Variants in CNOT3 observed in about 807,000 individuals in gnomAD.
CNOT3 encodes the protein CCR4-associated factor 3.
A neutral mutation model predicts 89.4 loss-of-function variants in CNOT3; 2 were observed. The ratio of observed to expected loss-of-function variants is 0.02; its 90% CI spans 0.01 to 0.07. The LOEUF (loss-of-function observed/expected upper bound fraction) is 0.07. Ranked by LOEUF, CNOT3 falls within the 10% of genes least tolerant of loss-of-function variation. The probability of loss-of-function intolerance (pLI) is 1.00; values close to 1 mark genes in which losing one functional copy is unlikely to be tolerated. For missense variants in CNOT3, 664 were observed against 1,010.2 expected (o/e 0.66, Z 4.65); for synonymous variants, 486 against 402.0 (o/e 1.21, Z -2.50).
chr19:54,149,872 T>C (rs1364858426), intron 13 of CNOT3, 114 bp downstream of exon 13: 8 of 1,074,746 alleles, frequency 7.4e-6, no homozygotes, highest in Admixed American at 5.3e-5. Context: ...CTCTCTGGCT[T>C]TCTGTCCCCT....
Position 54,155,437 on chromosome 19 carries a change from C to T in CNOT3, c.*30C>T, listed in dbSNP as rs764645167. ...GGCCCCTCCCTCTACCCACCCCCTT[C>T]CCCCGCATGCTGATCCCCCTGCCCA... On this transcript the variant is annotated 3_prime_UTR_variant, in exon 18 of 18. Coordinates refer to ENST00000221232, the MANE Select transcript of CNOT3 (RefSeq NM_014516.4). 5.0e-6 allele frequency: 7 copies of T among 1,409,814 alleles called. No individual in the cohort carries two copies. Among genetic ancestry groups the T allele is most frequent in the East Asian group, 2.5e-5 (1 of 40,488 alleles). The allele number at this position is 1,409,814 out of a possible 1,614,324, so 87.3% of individuals were successfully genotyped here.
At chr19:54,139,250 A>G (rs587673116) in intron 1 of CNOT3, among the ~76,000 whole-genome samples, 27 of 152,096 alleles carry the variant, frequency 1.8e-4, no homozygotes, top group African/African-American at 4.1e-4. Flanking sequence ...GGCTTCTTCC[A>G]TCTTCACACC....
intron 17 of CNOT3, chr19:54,154,950 T>G: frequency 4.0e-6 from 1 of 250,808 alleles, no homozygotes; most frequent in East Asian, 8.6e-5. Flanking sequence ...CTCGAGGTCT[T>G]TGTGAAGATT....
In CNOT3 at chr19:54,148,204, A is replaced by G. The variant is rs1468678130; in HGVS notation, c.951A>G (p.Pro317=). 1.9e-6 allele frequency: 3 copies of G among 1,585,440 alleles called. No individual in the cohort carries two copies. Among genetic ancestry groups the G allele is most frequent in the Non-Finnish European group, 2.6e-6 (3 of 1,166,216 alleles). Residue 317 remains proline, a synonymous_variant, in exon 11 of 18, where the codon CCA becomes CCG. Transcript: ENST00000221232. The surrounding 1 kb of genome is among the most constrained non-coding windows in gnomAD (Gnocchi z 6.3). ...PVHSNQHPQS[P]AVPPTYPSGP... ...ACAGCAACCAGCACCCTCAGTCCCC[A>G]GCTGTGCCGCCCACCTACCCCTCCG...
intron 16 of CNOT3, chr19:54,153,314 C>T (rs746796217): frequency 1.8e-5 from 14 of 761,738 alleles, no homozygotes; most frequent in African/African-American, 1.0e-4. Flanking sequence ...CAGTCTAGGC[C>T]GACCCCACTC....
At position 54,148,355 on chromosome 19, in the gene CNOT3, C is replaced by G; in HGVS notation, c.1102C>G (p.Pro368Ala). The G allele has an allele frequency of 6.3e-7, 1 of 1,583,228 alleles. No homozygotes were observed. Among genetic ancestry groups the G allele is most frequent in the Non-Finnish European group, 8.6e-7 (1 of 1,163,102 alleles). The stretch of plus-strand genomic sequence containing the variant: ...AGCTCCCAGCCACAACTCGGGCACC[C>G]CTGCTCCCTATGCCCAGGCTGTGGC... ...SPAPSHNSGT[P>A]APYAQAVAPP... The change falls in exon 11 of 18, where the codon CCT becomes GCT. Residue 368 changes from proline (P) to alanine (A), a missense_variant. Physicochemically the swap from Pro to Ala is conservative, Grantham distance 27. Around this residue, in one of 8 missense-constraint regions of CNOT3, gnomAD observed 545 missense variants for 566.2 expected, o/e 0.96. Transcript: ENST00000221232. The surrounding 1 kb of genome is among the most constrained non-coding windows in gnomAD (Gnocchi z 6.3).
At position 54,155,594 on chromosome 19, in the gene CNOT3, C is replaced by T; in HGVS notation, c.*187C>T. ...CCTGGGGGCCCGGGGGCGAGGGCTGCCCCCTCCTCCCCTCCCCAGTGAGGG... is the reference window on the plus strand; with the variant it reads ...CCTGGGGGCCCGGGGGCGAGGGCTGTCCCCTCCTCCCCTCCCCAGTGAGGG... On this transcript the variant is annotated 3_prime_UTR_variant, in exon 18 of 18. Coordinates refer to ENST00000221232, the MANE Select transcript of CNOT3 (RefSeq NM_014516.4). The T allele has an allele frequency of 2.8e-6, 3 of 1,086,364 alleles. No homozygotes were observed. Among genetic ancestry groups the T allele is most frequent in the East Asian group, 5.2e-5 (2 of 38,446 alleles). The allele number at this position is 1,086,364 out of a possible 1,614,324, so 67.3% of individuals were successfully genotyped here.
Position 54,146,601 on chromosome 19 carries a change from GA to G in CNOT3, c.842del (p.Asn281ThrfsTer54). ...TTCTATTCTGCCTCCCCTACCTCAG[GA>G]AAACTCTGAAGATGATAAGAAGAGG... ...IPPSPANCTT[E>X]NSEDDKKRGR... On this transcript the variant is annotated frameshift_variant and splice_region_variant, in exon 10 of 18. Coordinates refer to ENST00000221232, the MANE Select transcript of CNOT3 (RefSeq NM_014516.4). LOFTEE classifies it high-confidence loss of function. 1 of 1,498,570 alleles carries G rather than the reference GA, an allele frequency of 6.7e-7. No homozygotes were observed. Among genetic ancestry groups the G allele is most frequent in the Non-Finnish European group, 9.3e-7 (1 of 1,074,796 alleles). 92.8% of individuals were successfully genotyped at this position (1,498,570 alleles called of 1,614,324 possible).
Position 54,153,784 on chromosome 19 carries a change from A to G in CNOT3, c.2107A>G (p.Met703Val). The change falls in exon 17 of 18, where the codon ATG (methionine) becomes GTG (valine). Residue 703 changes from methionine to valine, a missense_variant. Transcript: ENST00000221232. ...KQSWRFHTKYMMWFQRHEEPK... is the reference protein window; with the variant it reads ...KQSWRFHTKYVMWFQRHEEPK... Reference sequence around the variant, plus strand: ...GTCATGGCGATTCCACACCAAGTACATGATGTGGTTCCAGAGGCACGAGGA... The same window carrying G: ...GTCATGGCGATTCCACACCAAGTACGTGATGTGGTTCCAGAGGCACGAGGA... 1.2e-6 allele frequency: 2 copies of G among 1,613,922 alleles called. No individual in the cohort carries two copies. The highest frequency in any genetic ancestry group is 1.7e-6 in the Non-Finnish European group (2 of 1,179,818).
intron 1 of CNOT3, among the ~76,000 whole-genome samples, chr19:54,140,190 T>C (rs2074390677): frequency 6.6e-6 from 1 of 152,136 alleles, no homozygotes; most frequent in African/African-American, 2.4e-5. Context: ...TCTTCTTTAC[T>C]GGTTTTGGCT....
chr19:54,153,207 T>C lies in CNOT3; in HGVS notation c.2037+208T>C, dbSNP rs1468146759. 1.3e-5 allele frequency: 10 copies of C among 764,676 alleles called. No individual in the cohort carries two copies. The African/African-American group carries it at 1.5e-4, about 12-fold the overall frequency. The allele number at this position is 764,676 out of a possible 1,614,324, so 47.4% of individuals were successfully genotyped here. A position where few individuals can be genotyped will look rare whatever the true frequency, so the allele number is the denominator to read the frequency against. On this transcript the variant is annotated intron_variant, in intron 16 of 17. Transcript: ENST00000221232. ...CCAGAGATGTTAGAACTGCTTGGGT[T>C]GACAGCGAGGCTGGTCCACTGAGGC...
chr19:54,143,246 C>T (rs1226364173), intron 3 of CNOT3, 60 bp downstream of exon 3: 4 of 1,480,062 alleles, frequency 2.7e-6, no homozygotes, highest in South Asian at 1.1e-5. Flanking sequence ...AGGAAGGCGG[C>T]TCAGGACCTC....
At chr19:54,140,358 G>C (rs1180246757) in intron 1 of CNOT3, among the ~76,000 whole-genome samples, 1 of 152,054 alleles carries the variant, frequency 6.6e-6, no homozygotes, top group Admixed American at 6.6e-5. Context: ...TGCTCTTGGA[G>C]AGCCTTTGCT....
chr19:54,151,430 G>T (rs587641345), intron 13 of CNOT3, among the ~76,000 whole-genome samples: 1 of 152,138 alleles, frequency 6.6e-6, no homozygotes, highest in African/African-American at 2.4e-5. Context: ...ATAGCTGGGC[G>T]TGGTGGCTCA....
intron 1 of CNOT3, among the ~76,000 whole-genome samples, chr19:54,141,054 T>C (rs946389633): frequency 6.6e-6 from 1 of 152,200 alleles, no homozygotes; most frequent in East Asian, 1.9e-4. Context: ...GTTCCCCCTA[T>C]GCAGTAAGAG....
rs2074588192 is a variant in CNOT3 at position 54,144,731 on chromosome 19, G to C, written c.483+399G>C. ...GAGCACAGTGGGTAGAGACAAGGCA[G>C]AACATGGAGAAGGCAGAGAACCAGG... On this transcript the variant is annotated intron_variant, in intron 7 of 17. Coordinates refer to ENST00000221232, the MANE Select transcript of CNOT3 (RefSeq NM_014516.4). The surrounding 1 kb of genome is among the most constrained non-coding windows in gnomAD (Gnocchi z 4.8). Among the ~76,000 whole-genome samples the C allele has an allele frequency of 1.3e-5, 2 of 152,208 alleles. No individual in the cohort carries two copies. Among genetic ancestry groups the C allele is most frequent in the African/African-American group, 2.4e-5 (1 of 41,438 alleles).
At chr19:54,143,354 T>G in intron 3 of CNOT3, 88 bp from the exon 4 acceptor site, 1 of 1,378,130 alleles carries the variant, frequency 7.3e-7, no homozygotes, top group Non-Finnish European at 1.0e-6. Context: ...GGGGGGGTCC[T>G]CGAGTCCCTA....
intron 1 of CNOT3, among the ~76,000 whole-genome samples, chr19:54,139,939 C>T (rs1351641491): frequency 2.0e-5 from 3 of 152,264 alleles, no homozygotes; most frequent in East Asian, 1.9e-4. Context: ...TGTGTGGCCA[C>T]GTCAGCAGCC....
chr19:54,146,752 C>G (rs1468523942), intron 10 of CNOT3, 95 bp downstream of exon 10: 14 of 785,492 alleles, frequency 1.8e-5, no homozygotes, highest in Non-Finnish European at 3.0e-5. Flanking sequence ...CTGTGCTGGG[C>G]TGGTGGACAC....
Sources: allele counts gnomAD v4.1 joint callset (sites outside exome capture counted in the v4.1 genomes callset), GRCh38; gene constraint gnomAD v4.1.1; regional missense constraint gnomAD v4.1.1; non-coding constraint Gnocchi (gnomAD v3.1); transcripts MANE v1.5; gene names NCBI Gene and HGNC (gene_info 2026-07-23, HGNC 2026-07-21).